MELTF: variants seen among roughly 807,000 people sequenced by gnomAD.
MELTF encodes melanotransferrin, also known as antigen p97 (melanoma associated) identified by monoclonal antibodies 133.2 and 96.5.
MELTF carries 67 observed loss-of-function variants against 83.7 expected under a neutral mutation model. The observed-to-expected ratio is 0.80, with a 90% CI of 0.66 to 0.98. MELTF has a LOEUF of 0.98. MELTF is among the 50% of genes least tolerant of loss of function. MELTF has a pLI of 0.00. For synonymous variants in MELTF, 462 were observed against 447.6 expected (o/e 1.03, Z -0.41); for missense variants, 1,002 against 1,035.6 (o/e 0.97, Z 0.44).
At chr3:197,009,926 G>T in intron 10 of MELTF, 114 bp from the exon 11 acceptor site, 1 of 1,002,544 alleles carries the variant, frequency 1.0e-6, no homozygotes, top group Non-Finnish European at 1.5e-6. Context: ...GAGCTATGCA[G>T]GCCAAAGAGT....
rs1421443039 is a variant in MELTF at position 197,007,555 on chromosome 3, A to G, written c.1751-819T>C. Among the ~76,000 whole-genome samples the G allele has an allele frequency of 6.6e-6, 1 of 152,152 alleles. No homozygotes were observed. Among genetic ancestry groups the G allele is most frequent in the African/African-American group, 2.4e-5 (1 of 41,438 alleles). ...GCCTCCCCTGACCCCATCCCAGACG[A>G]CACCATGCACAGATCTGGGACCAGG... On this transcript the variant is annotated intron_variant, in intron 13 of 15. Transcript: ENST00000296350. This position sits in a 1 kb window ranked among gnomAD's most constrained non-coding sequence, Gnocchi z 4.3.
Position 197,017,294 on chromosome 3 carries a change from G to T in MELTF, c.713-4C>A. Reference sequence around the variant, plus strand: ...CCCCAGGAGGGAAGCGTCTTCCCTGGGAAGCAGGAAGCCTGGGCTGAGCCA... The same window carrying T: ...CCCCAGGAGGGAAGCGTCTTCCCTGTGAAGCAGGAAGCCTGGGCTGAGCCA... On this transcript the variant is annotated splice_region_variant and splice_polypyrimidine_tract_variant and intron_variant, in intron 6 of 15. Transcript: ENST00000296350. 1 of 1,530,528 alleles carries T rather than the reference G, an allele frequency of 6.5e-7. No homozygotes were observed. Among genetic ancestry groups the T allele is most frequent in the East Asian group, 2.4e-5 (1 of 42,254 alleles). The allele number at this position is 1,530,528 out of a possible 1,614,324, so 94.8% of individuals were successfully genotyped here.
At chr3:197,009,315 T>C (rs955309697) in intron 11 of MELTF, among the ~76,000 whole-genome samples, 1 of 152,100 alleles carries the variant, frequency 6.6e-6, no homozygotes, top group Non-Finnish European at 1.5e-5. Context: ...TGTGTGCTTG[T>C]GTCAGTGGTT....
At chr3:197,015,928 G>A (rs991098921) in intron 8 of MELTF, among the ~76,000 whole-genome samples, 8 of 152,136 alleles carry the variant, frequency 5.3e-5, no homozygotes, top group African/African-American at 1.9e-4. Context: ...ATGGGGGGGC[G>A]AGGAGACCCT....
In MELTF at chr3:197,007,554, G is replaced by A. The variant is rs745317600; in HGVS notation, c.1751-818C>T. 2.0e-5 allele frequency among the ~76,000 whole-genome samples: 3 copies of A among 152,208 alleles called. No homozygotes were observed. The highest frequency in any genetic ancestry group is 4.4e-5 in the Non-Finnish European group (3 of 68,036). ...CGCCTCCCCTGACCCCATCCCAGACGACACCATGCACAGATCTGGGACCAG... is the reference window on the plus strand; with the variant it reads ...CGCCTCCCCTGACCCCATCCCAGACAACACCATGCACAGATCTGGGACCAG... On this transcript the variant is annotated intron_variant, in intron 13 of 15. Transcript: ENST00000296350. This position sits in a 1 kb window ranked among gnomAD's most constrained non-coding sequence, Gnocchi z 4.3.
chr3:197,027,113 C>CT, intron 2 of MELTF: 1 of 272,766 alleles, frequency 3.7e-6, no homozygotes, highest in Non-Finnish European at 7.2e-6. Flanking sequence ...GGTTTTCTAG[C>CT]TTTTTTTCTC....
chr3:197,009,677 GGGAC>G lies in MELTF; in HGVS notation c.1462_1465del (p.Val488ProfsTer22), dbSNP rs1401850289. 3 of 1,613,766 alleles carry G rather than the reference GGGAC, an allele frequency of 1.9e-6. No individual in the cohort carries two copies. The African/African-American group carries it at 4.0e-5, about 22-fold the overall frequency. On this transcript the variant is annotated frameshift_variant, in exon 11 of 16. Coordinates refer to ENST00000296350, the MANE Select transcript of MELTF (RefSeq NM_005929.6). LOFTEE classifies it high-confidence loss of function. The stretch of plus-strand genomic sequence containing the variant: ...GCCTCTCTGAATAAGGGCACCCACG[GGGAC>G]ATCCCAGCCTGCAGGGCTGCCGAAA...
rs576387476 is a variant in MELTF, at chr3:197,002,275, G to C, written c.*1097C>G. The C allele has an allele frequency of 1.3e-5, 2 of 152,206 alleles. No homozygotes were observed. The highest frequency in any genetic ancestry group is 2.4e-5 in the African/African-American group (1 of 41,450). The allele number at this position is 152,206 out of a possible 1,614,324, so 9.4% of individuals were successfully genotyped here. Reference sequence around the variant, plus strand: ...ATGGCTCCGCGCCCACGCGGCTCCCGGTCTGCTGACGAGGGCTGCCTGCTC... The same window carrying C: ...ATGGCTCCGCGCCCACGCGGCTCCCCGTCTGCTGACGAGGGCTGCCTGCTC... On this transcript the variant is annotated 3_prime_UTR_variant, in exon 16 of 16. Transcript: ENST00000296350.
chr3:197,016,229 C>T lies in MELTF; in HGVS notation c.1041G>A (p.Glu347=), dbSNP rs2148584737. 6.3e-6 allele frequency: 10 copies of T among 1,598,954 alleles called. No homozygotes were observed. The highest frequency in any genetic ancestry group is 8.5e-6 in the Non-Finnish European group (10 of 1,172,858). The part of the protein sequence containing the change: ...TQTYEAWLGH[E]YLHAMKGLLC... ...GCAGACCCTTCATGGCGTGCAGGTA[C>T]TCATGGCCCAGCCACGCCTCATAGG... The change falls in exon 8 of 16, where the codon GAG becomes GAA. Residue 347 remains glutamate, a synonymous_variant. Transcript: ENST00000296350.
Position 197,029,340 on chromosome 3 carries a change from A to C in MELTF, c.49+314T>G. ...TTCCTGAGTTCCTGCGCCCGTCGGG[A>C]GGGGCCGCCCTCCGGGAGCTCCTCT... On this transcript the variant is annotated intron_variant, in intron 1 of 15. Transcript: ENST00000296350. This position sits in a 1 kb window ranked among gnomAD's most constrained non-coding sequence, Gnocchi z 6.5. 1 of 315,748 alleles carries C rather than the reference A, an allele frequency of 3.2e-6. No homozygotes were observed. Among genetic ancestry groups the C allele is most frequent in the Non-Finnish European group, 5.8e-6 (1 of 173,224 alleles). 19.6% of individuals were successfully genotyped at this position (315,748 alleles called of 1,614,324 possible).
At position 197,029,616 on chromosome 3, in the gene MELTF, AC is replaced by A. The variant is rs1463281659; in HGVS notation, c.49+37del. The A allele has an allele frequency of 1.6e-6, 2 of 1,237,284 alleles. No homozygotes were observed. The highest frequency in any genetic ancestry group is 3.7e-5 in the South Asian group (1 of 27,184). 76.6% of individuals were successfully genotyped at this position (1,237,284 alleles called of 1,614,324 possible). ...CTCAGCCGGGCCGCGGCGCCCCGGGACCCCCGCCCGCCTTTGGCTCTCACAG... is the reference window on the plus strand; with the variant it reads ...CTCAGCCGGGCCGCGGCGCCCCGGGACCCCGCCCGCCTTTGGCTCTCACAG... On this transcript the variant is annotated intron_variant, in intron 1 of 15. Coordinates refer to ENST00000296350, the MANE Select transcript of MELTF (RefSeq NM_005929.6). The surrounding 1 kb of genome is among the most constrained non-coding windows in gnomAD (Gnocchi z 6.5).
chr3:197,020,752 T>TCTGCCTCCTGGGTTCAAGCAATTCCC (rs1366038432), intron 6 of MELTF, among the ~76,000 whole-genome samples: 1 of 151,654 alleles, frequency 6.6e-6, no homozygotes. Context: ...CACTGCAATC[T>TCTGCCTCCTGGGTTCAAGCAATTCCC]CTGCCTCCTG....
chr3:197,006,519 C>T lies in MELTF; in HGVS notation c.1938+30G>A, dbSNP rs1718982290. The T allele has an allele frequency of 6.2e-7, 1 of 1,600,824 alleles. No homozygotes were observed. Among genetic ancestry groups the T allele is most frequent in the Admixed American group, 1.7e-5 (1 of 58,934 alleles). The stretch of plus-strand genomic sequence containing the variant: ...GCTCAGCTTACCTCTGCTGCACACC[C>T]CTCAATGAGGTAGCCCCACCCTGGC... On this transcript the variant is annotated intron_variant, in intron 14 of 15. Transcript: ENST00000296350. This position sits in a 1 kb window ranked among gnomAD's most constrained non-coding sequence, Gnocchi z 5.4.
At position 197,008,005 on chromosome 3, in the gene MELTF, C is replaced by G. The variant is rs1719040327; in HGVS notation, c.1750+652G>C. 6.6e-6 allele frequency among the ~76,000 whole-genome samples: 1 copy of G among 152,148 alleles called. No individual in the cohort carries two copies. On this transcript the variant is annotated intron_variant, in intron 13 of 15. Transcript: ENST00000296350. The surrounding 1 kb of genome is among the most constrained non-coding windows in gnomAD (Gnocchi z 5.4). ...CTTTGGTGTTGGAGGAAAACAGCCT[C>G]TAGTCTTCAAAACGGACACAGATTC...
intron 2 of MELTF, among the ~76,000 whole-genome samples, chr3:197,027,378 C>A (rs974696715): frequency 2.0e-5 from 3 of 152,246 alleles, no homozygotes; most frequent in African/African-American, 4.8e-5. Context: ...GGGAGTCCAG[C>A]CCCTGCTCCT....
chr3:197,005,266 G>C (rs930402893), intron 14 of MELTF, among the ~76,000 whole-genome samples: 11 of 152,332 alleles, frequency 7.2e-5, no homozygotes, highest in Admixed American at 7.2e-4. Context: ...AATGACTCCC[G>C]AGGAAATGGA....
Position 197,007,731 on chromosome 3 carries a change from G to T in MELTF, c.1750+926C>A, listed in dbSNP as rs1439695954. ...CTCCCTAGCTCTGCTGGGGCAAATGGTCCTACCGCCTTGGTGACCCCCATA... is the reference window on the plus strand; with the variant it reads ...CTCCCTAGCTCTGCTGGGGCAAATGTTCCTACCGCCTTGGTGACCCCCATA... On this transcript the variant is annotated intron_variant, in intron 13 of 15. Transcript: ENST00000296350. The surrounding 1 kb of genome is among the most constrained non-coding windows in gnomAD (Gnocchi z 4.3). Among the ~76,000 whole-genome samples the T allele has an allele frequency of 6.6e-6, 1 of 152,196 alleles. No homozygotes were observed. The highest frequency in any genetic ancestry group is 2.4e-5 in the African/African-American group (1 of 41,438).
Position 197,007,518 on chromosome 3 carries a change from C to T in MELTF, c.1751-782G>A, listed in dbSNP as rs550542299. Among the ~76,000 whole-genome samples the T allele has an allele frequency of 2.0e-4, 31 of 152,344 alleles. 1 individual carries two copies. Among genetic ancestry groups the T allele is most frequent in the African/African-American group, 7.5e-4 (31 of 41,574 alleles). Reference sequence around the variant, plus strand: ...GCAAGTGAACCTCCCAAGGCCTCTCCAGCACCTGCCCGCCTCCCCTGACCC... The same window carrying T: ...GCAAGTGAACCTCCCAAGGCCTCTCTAGCACCTGCCCGCCTCCCCTGACCC... On this transcript the variant is annotated intron_variant, in intron 13 of 15. Coordinates refer to ENST00000296350, the MANE Select transcript of MELTF (RefSeq NM_005929.6). The surrounding 1 kb of genome is among the most constrained non-coding windows in gnomAD (Gnocchi z 4.3).
At position 197,006,622 on chromosome 3, in the gene MELTF, A is replaced by G. The variant is rs1718988165; in HGVS notation, c.1865T>C (p.Ile622Thr). 6.2e-7 allele frequency: 1 copy of G among 1,613,238 alleles called. No individual in the cohort carries two copies. Among genetic ancestry groups the G allele is most frequent in the Non-Finnish European group, 8.5e-7 (1 of 1,179,542 alleles). The change falls in exon 14 of 16, where the codon ATA becomes ACA. Residue 622 changes from isoleucine to threonine, a missense_variant. Physicochemically the swap from Ile to Thr is moderately conservative, Grantham distance 89 (BLOSUM62 -1). Coordinates refer to ENST00000296350, the MANE Select transcript of MELTF (RefSeq NM_005929.6). The surrounding 1 kb of genome is among the most constrained non-coding windows in gnomAD (Gnocchi z 5.4). ...SQFAACNLAQ[I>T]PPHAVMVRPD... ...CCGGACCATCACGGCGTGGGGTGGT[A>G]TCTGTGCCAGGTTGCAGGCTGCAAA...
Sources: allele counts gnomAD v4.1 joint callset (sites outside exome capture counted in the v4.1 genomes callset), GRCh38; gene constraint gnomAD v4.1.1; non-coding constraint Gnocchi (gnomAD v3.1); transcripts MANE v1.5; gene names NCBI Gene and HGNC (gene_info 2026-07-23, HGNC 2026-07-21).